FAM168A: variants seen among roughly 807,000 people sequenced by gnomAD.
FAM168A encodes the protein family with sequence similarity 168 member A, also known as protein FAM168A.
In FAM168A, 3 loss-of-function variants were observed where a neutral mutation model predicts 28.5. The ratio of observed to expected loss-of-function variants is 0.11; its 90% CI spans 0.05 to 0.27. The LOEUF (loss-of-function observed/expected upper bound fraction) is 0.27, where lower values mean the gene tolerates loss of function less well. Among genes scored for constraint, FAM168A ranks in the 10% least tolerant of loss-of-function variants. The probability of loss-of-function intolerance (pLI) is 1.00; values close to 1 mark genes in which losing one functional copy is unlikely to be tolerated. For missense variants in FAM168A, 222 were observed against 311.5 expected (o/e 0.71, Z 2.16); for synonymous variants, 122 against 124.2 (o/e 0.98, Z 0.12).
intron 1 of FAM168A, among the ~76,000 whole-genome samples, chr11:73,590,180 T>C (rs11235816): frequency 0.08 from 12,127 of 151,968 alleles, 571 homozygotes; most frequent in Admixed American, 0.11. Context: ...GGCAGGAGAA[T>C]TGCTTGAGCC....
chr11:73,404,317 C>G lies in FAM168A; in HGVS notation c.*2446G>C, dbSNP rs977313311. ...CTGTGGGCCTGTTCCCTTCCATAAC[C>G]TGTTTCCTCATTTGTCAATTGACTG... On this transcript the variant is annotated 3_prime_UTR_variant, in exon 8 of 8. Coordinates refer to ENST00000356467, the MANE Select transcript of FAM168A (RefSeq NM_015159.3). 1 of 152,218 alleles carries G rather than the reference C, an allele frequency of 6.6e-6. No homozygotes were observed. Among genetic ancestry groups the G allele is most frequent in the Non-Finnish European group, 1.5e-5 (1 of 68,060 alleles). 9.4% of individuals were successfully genotyped at this position (152,218 alleles called of 1,614,324 possible).
At chr11:73,519,747 G>A (rs573204608) in intron 1 of FAM168A, among the ~76,000 whole-genome samples, 8 of 152,082 alleles carry the variant, frequency 5.3e-5, no homozygotes, top group African/African-American at 1.9e-4. Flanking sequence ...CAGAGAACAA[G>A]GGAGAGAGCA....
intron 1 of FAM168A, among the ~76,000 whole-genome samples, chr11:73,535,005 G>C (rs1450302914): frequency 6.6e-6 from 1 of 152,126 alleles, no homozygotes; most frequent in African/African-American, 2.4e-5. Flanking sequence ...CCTCCAACTT[G>C]TAGGAAGGAG....
At chr11:73,471,299 C>T (rs1041378175) in intron 1 of FAM168A, among the ~76,000 whole-genome samples, 1 of 152,116 alleles carries the variant, frequency 6.6e-6, no homozygotes, top group Non-Finnish European at 1.5e-5. Context: ...AGTCCTTTAA[C>T]TTCTGAGTCT....
chr11:73,576,186 T>C (rs1183454791), intron 1 of FAM168A, among the ~76,000 whole-genome samples: 2 of 152,212 alleles, frequency 1.3e-5, no homozygotes, highest in Non-Finnish European at 2.9e-5. Flanking sequence ...GAAGATCTTC[T>C]AGTTACCTAG....
chr11:73,578,778 T>C (rs1944206502), intron 1 of FAM168A, among the ~76,000 whole-genome samples: 1 of 152,246 alleles, frequency 6.6e-6, no homozygotes, highest in Non-Finnish European at 1.5e-5. Flanking sequence ...GTAAAGTCTT[T>C]GGCATCACAC....
intron 1 of FAM168A, among the ~76,000 whole-genome samples, chr11:73,520,180 G>A (rs1331194335): frequency 1.3e-5 from 2 of 151,702 alleles, no homozygotes; most frequent in Non-Finnish European, 2.9e-5. Context: ...TAAGTAGCTG[G>A]GACTACAGGC....
At chr11:73,539,681 T>C (rs1370104497) in intron 1 of FAM168A, among the ~76,000 whole-genome samples, 1 of 152,244 alleles carries the variant, frequency 6.6e-6, no homozygotes, top group Non-Finnish European at 1.5e-5. Flanking sequence ...GAGCATCCTT[T>C]ACAGTGCAGT....
At position 73,468,476 on chromosome 11, in the gene FAM168A, G is replaced by A; in HGVS notation, c.-2C>T. On this transcript the variant is annotated 5_prime_UTR_variant, in exon 2 of 8. Transcript: ENST00000356467. The stretch of plus-strand genomic sequence containing the variant: ...CACGGGGCTGTAAACAGGGTTCATT[G>A]TGGAAGACTGAGGATCCTACAGAGA... The A allele has an allele frequency of 3.7e-6, 6 of 1,613,920 alleles. No homozygotes were observed. The highest frequency in any genetic ancestry group is 5.1e-6 in the Non-Finnish European group (6 of 1,179,854).
intron 1 of FAM168A, among the ~76,000 whole-genome samples, chr11:73,503,550 CAATAT>C (rs1329031131): frequency 6.6e-6 from 1 of 152,130 alleles, no homozygotes; most frequent in African/African-American, 2.4e-5. Flanking sequence ...TAGGAAGAAT[CAATAT>C]AATGAAAATG....
chr11:73,574,204 T>C (rs961255408), intron 1 of FAM168A, among the ~76,000 whole-genome samples: 1 of 152,244 alleles, frequency 6.6e-6, no homozygotes, highest in Non-Finnish European at 1.5e-5. Flanking sequence ...TTGGCTGGCA[T>C]TTTTCCAATT....
chr11:73,439,550 G>A (rs183155194), intron 2 of FAM168A, among the ~76,000 whole-genome samples: 2 of 152,184 alleles, frequency 1.3e-5, no homozygotes, highest in East Asian at 1.9e-4. Context: ...CTGCTCCTAC[G>A]TAAATATATA....
At chr11:73,583,496 TC>T (rs1042089680) in intron 1 of FAM168A, among the ~76,000 whole-genome samples, 55 of 152,284 alleles carry the variant, frequency 3.6e-4, no homozygotes, top group African/African-American at 1.3e-3. Context: ...ACAACTCCTG[TC>T]CACTGCAAGT....
rs56294455 is a variant in FAM168A, at chr11:73,445,419, CTTTT to C, written c.71-14653_71-14650del. Reference sequence around the variant, plus strand: ...CCAGTAGATATATGTAAAAATGTCTCTTTTTTTTTTTTTTTTTTTTTTTTTTTTT... The same window carrying C: ...CCAGTAGATATATGTAAAAATGTCTCTTTTTTTTTTTTTTTTTTTTTTTTT... On this transcript the variant is annotated intron_variant, in intron 2 of 7. Transcript: ENST00000356467. Among the ~76,000 whole-genome samples the C allele has an allele frequency of 2.4e-3, 120 of 50,430 alleles. 1 individual carries two copies. Among genetic ancestry groups the C allele is most frequent in the South Asian group, 0.012 (11 of 942 alleles). The allele number at this position is 50,430 out of a possible 152,430, so 33.1% of individuals were successfully genotyped here.
intron 1 of FAM168A, among the ~76,000 whole-genome samples, chr11:73,574,589 T>G (rs2134725918): frequency 6.6e-6 from 1 of 151,870 alleles, no homozygotes; most frequent in South Asian, 2.1e-4. Context: ...TGAGATGGAG[T>G]TTCCCTCTTG....
At chr11:73,562,037 G>A (rs1943964830) in intron 1 of FAM168A, among the ~76,000 whole-genome samples, 2 of 152,114 alleles carry the variant, frequency 1.3e-5, no homozygotes. Context: ...CCACCTCCCA[G>A]GTTCAAGCAA....
chr11:73,580,502 G>A, intron 1 of FAM168A: 1 of 613,724 alleles, frequency 1.6e-6, no homozygotes, highest in South Asian at 1.4e-5. Context: ...GAAAGCTGAA[G>A]GTGCTGGAGA....
At chr11:73,439,060 G>A (rs1867145789) in intron 2 of FAM168A, among the ~76,000 whole-genome samples, 2 of 151,970 alleles carry the variant, frequency 1.3e-5, no homozygotes, top group African/African-American at 4.8e-5. Flanking sequence ...TACTAGCTGG[G>A]AGGCTTGACT....
chr11:73,505,072 C>T (rs1349032159), intron 1 of FAM168A, among the ~76,000 whole-genome samples: 1 of 151,770 alleles, frequency 6.6e-6, no homozygotes, highest in African/African-American at 2.4e-5. Context: ...CCATGGCACA[C>T]GTATACCTAT....
Sources: allele counts gnomAD v4.1 joint callset (sites outside exome capture counted in the v4.1 genomes callset), GRCh38; gene constraint gnomAD v4.1.1; transcripts MANE v1.5; gene names NCBI Gene and HGNC (gene_info 2026-07-23, HGNC 2026-07-21).